RNF170: variants seen among roughly 807,000 people sequenced by gnomAD.
The protein encoded by RNF170 is E3 ubiquitin-protein ligase RNF170.
Under a neutral mutation model 32.7 loss-of-function variants are expected in RNF170, and 12 were observed. The observed-to-expected ratio is 0.37, with a 90% confidence interval of 0.24 to 0.60. RNF170 has a LOEUF of 0.60. Ranked by LOEUF, RNF170 falls within the 20% of genes least tolerant of loss-of-function variation. The probability of loss-of-function intolerance (pLI) is 0.72; values close to 1 mark genes in which losing one functional copy is unlikely to be tolerated. For missense variants in RNF170, 212 were observed against 311.2 expected (o/e 0.68, Z 2.40); for synonymous variants, 91 against 103.6 (o/e 0.88, Z 0.74).
chr8:42,870,134 A>C, intron 3 of RNF170, 22 bp from the exon 4 acceptor site: 1 of 1,513,308 alleles, frequency 6.6e-7, no homozygotes, highest in Non-Finnish European at 9.2e-7. Context: ...ACAGGTGCAC[A>C]CATTGGAACA....
Position 42,861,862 on chromosome 8 carries a change from AT to A in RNF170, c.397-8del. 1 of 1,601,648 alleles carries A rather than the reference AT, an allele frequency of 6.2e-7. No individual in the cohort carries two copies. Among genetic ancestry groups the A allele is most frequent in the Non-Finnish European group, 8.5e-7 (1 of 1,175,238 alleles). ...CTGTTAGGAGTAAGGTTACCTGTAT[AT>A]TACAGAAAAAAAAATTATTTCAACT... On this transcript the variant is annotated splice_region_variant and splice_polypyrimidine_tract_variant and intron_variant, in intron 5 of 6. Transcript: ENST00000527424.
At chr8:42,858,435 A>G (rs951284702) in intron 6 of RNF170, among the ~76,000 whole-genome samples, 12 of 152,192 alleles carry the variant, frequency 7.9e-5, no homozygotes, top group African/African-American at 2.9e-4. Flanking sequence ...TCTTAACAGT[A>G]ATTCATTTAT....
intron 5 of RNF170, among the ~76,000 whole-genome samples, chr8:42,862,973 G>A (rs947107594): frequency 6.6e-6 from 1 of 152,204 alleles, no homozygotes; most frequent in African/African-American, 2.4e-5. Flanking sequence ...TCTTCTGCCT[G>A]GGGTGGTCAG....
downstream of RNF170, chr8:42,850,624 T>C (rs1802916992): frequency 1.3e-6 from 1 of 784,050 alleles, no homozygotes; most frequent in Admixed American, 2.4e-5. Flanking sequence ...GAGCTTGTGT[T>C]CTAGTGAGAA....
Position 42,886,699 on chromosome 8 carries a change from T to C in RNF170, c.137+1029A>G, listed in dbSNP as rs943407077. ...GCCTCAGCCTCCCAAGGTGCTGGGA[T>C]TACCGGCGTGAGCCACCACATCCAG... is the stretch of plus-strand genomic sequence containing the variant. On this transcript the variant is annotated intron_variant, in intron 2 of 6. Transcript: ENST00000527424. Among the ~76,000 whole-genome samples the C allele has an allele frequency of 2.6e-5, 4 of 152,114 alleles. No homozygotes were observed. In the East Asian group the frequency reaches 7.8e-4, roughly 30 times the overall value.
At chr8:42,883,954 G>A (rs917075738) in intron 2 of RNF170, among the ~76,000 whole-genome samples, 19 of 152,046 alleles carry the variant, frequency 1.2e-4, no homozygotes, top group African/African-American at 3.9e-4. Context: ...CCAAGTAACC[G>A]GGAGCACATT....
rs779901675 is a variant in RNF170 at position 42,863,964 on chromosome 8, G to GGAGA, written c.396+1448_396+1451dup. On this transcript the variant is annotated intron_variant, in intron 5 of 6. Transcript: ENST00000527424. ...ACAGACAGCTACAATAAAGGCTGAA[G>GGAGA]GAGAGAGAGAGAGAGAGTGTGTGTG... Among the ~76,000 whole-genome samples the GGAGA allele has an allele frequency of 5.2e-3, 669 of 128,340 alleles. 2 individuals are homozygous for GGAGA. Among genetic ancestry groups the GGAGA allele is most frequent in the South Asian group, 8.3e-3 (28 of 3,386 alleles). The allele number at this position is 128,340 out of a possible 152,430, so 84.2% of individuals were successfully genotyped here. A position where few individuals can be genotyped will look rare whatever the true frequency, so the allele number is the denominator to read the frequency against.
chr8:42,853,831 A>T lies in RNF170; in HGVS notation c.*2328T>A, dbSNP rs1803037978. On this transcript the variant is annotated 3_prime_UTR_variant, in exon 7 of 7. Coordinates refer to ENST00000527424, the MANE Select transcript of RNF170 (RefSeq NM_030954.4). Reference sequence around the variant, plus strand: ...TTTTCACAATTTAGGAAGCTTTAAGATCATTTAGTATTTTTTTATGTTACA... The same window carrying T: ...TTTTCACAATTTAGGAAGCTTTAAGTTCATTTAGTATTTTTTTATGTTACA... 7.8e-7 allele frequency: 1 copy of T among 1,286,906 alleles called. No individual in the cohort carries two copies. The highest frequency in any genetic ancestry group is 1.0e-6 in the Non-Finnish European group (1 of 988,586). The allele number at this position is 1,286,906 out of a possible 1,614,324, so 79.7% of individuals were successfully genotyped here.
At chr8:42,849,862 G>T (rs918107365), downstream of RNF170, 1 of 152,272 alleles carries the variant, frequency 6.6e-6, no homozygotes, top group Non-Finnish European at 1.5e-5. Context: ...GGATATGTCA[G>T]TGAAGGAGAT....
At chr8:42,860,932 G>A (rs899837472) in intron 6 of RNF170, among the ~76,000 whole-genome samples, 1 of 152,048 alleles carries the variant, frequency 6.6e-6, no homozygotes, top group African/African-American at 2.4e-5. Context: ...TGGCCAGGCT[G>A]GTCTCGAACT....
intron 3 of RNF170, among the ~76,000 whole-genome samples, chr8:42,871,575 C>T (rs998247457): frequency 4.1e-5 from 6 of 145,548 alleles, no homozygotes; most frequent in Admixed American, 4.1e-4. Flanking sequence ...CCCTTCTCTA[C>T]TTTTTTTTTT....
At chr8:42,861,447 C>A in intron 6 of RNF170, 1 of 315,010 alleles carries the variant, frequency 3.2e-6, no homozygotes, top group Non-Finnish European at 6.1e-6. Flanking sequence ...CTCAGGTGAT[C>A]CTCCCATTTC....
chr8:42,891,319 C>T (rs1371410393), intron 1 of RNF170, among the ~76,000 whole-genome samples: 3 of 152,162 alleles, frequency 2.0e-5, no homozygotes, highest in African/African-American at 7.2e-5. Flanking sequence ...TTTAGCTTAA[C>T]TCTTCCTCAT....
At chr8:42,881,138 T>C (rs1315780761) in intron 2 of RNF170, 2 of 152,190 alleles carry the variant, frequency 1.3e-5, no homozygotes, top group Non-Finnish European at 1.5e-5. Flanking sequence ...AGAATATATA[T>C]AGAACACTTA....
At chr8:42,859,702 G>A (rs1185404923) in intron 6 of RNF170, among the ~76,000 whole-genome samples, 4 of 152,188 alleles carry the variant, frequency 2.6e-5, no homozygotes, top group African/African-American at 9.6e-5. Context: ...AGGCTGGAGT[G>A]CAGTGATGTG....
At chr8:42,881,780 C>T (rs1352821495) in intron 2 of RNF170, among the ~76,000 whole-genome samples, 1 of 151,826 alleles carries the variant, frequency 6.6e-6, no homozygotes, top group Non-Finnish European at 1.5e-5. Context: ...ACAAAAAATA[C>T]AAAAATTAGT....
At chr8:42,887,177 A>T (rs1805893877) in intron 2 of RNF170, among the ~76,000 whole-genome samples, 1 of 152,204 alleles carries the variant, frequency 6.6e-6, no homozygotes, top group Admixed American at 6.5e-5. Flanking sequence ...CTGTAATCCC[A>T]GCTATTTGGG....
intron 5 of RNF170, 89 bp downstream of exon 5, chr8:42,865,325 GAC>G (rs1192042286): frequency 1.3e-5 from 12 of 922,054 alleles, no homozygotes; most frequent in Non-Finnish European, 2.0e-5. Flanking sequence ...CTGCTAAAAA[GAC>G]AATAATAATT....
chr8:42,856,798 GTT>G (rs1803275045), intron 6 of RNF170, among the ~76,000 whole-genome samples: 4 of 152,166 alleles, frequency 2.6e-5, no homozygotes, highest in Admixed American at 2.6e-4. Context: ...ACAGATCTGG[GTT>G]TGAATTCAAA....
Sources: gnomAD v4.1 joint callset for allele counts (sites outside exome capture counted in the v4.1 genomes callset) on GRCh38, gnomAD v4.1.1 for gene constraint, MANE v1.5 for transcripts, NCBI Gene and HGNC (gene_info 2026-07-23, HGNC 2026-07-21) for gene names.